The following ARHGAP29 variants were observed in gnomAD, a reference collection of about 807,000 sequenced individuals.
ARHGAP29 encodes rho GTPase-activating protein 29.
Under a neutral mutation model 122.6 loss-of-function variants are expected in ARHGAP29, and 43 were observed. The ratio of observed to expected loss-of-function variants is 0.35; its 90% CI spans 0.27 to 0.45. The LOEUF is 0.45. Ranked by LOEUF, ARHGAP29 falls within the 20% of genes least tolerant of loss-of-function variation. The pLI, the probability that ARHGAP29 is intolerant of heterozygous loss-of-function variation, is 1.00. For missense variants in ARHGAP29, 1,303 were observed against 1,477.2 expected, an observed-to-expected ratio of 0.88 and a Z score of 1.93; for synonymous variants, 506 against 497.1, an observed-to-expected ratio of 1.02 and a Z score of -0.24.
At chr1:94,261,204 G>A (rs1020597455) in intron 1 of ARHGAP29, among the ~76,000 whole-genome samples, 2 of 152,084 alleles carry the variant, frequency 1.3e-5, no homozygotes, top group Admixed American at 6.5e-5. Context: ...TCTTACCTCA[G>A]CTCTGTAGCT....
Position 94,171,231 on chromosome 1 carries a change from T to C in ARHGAP29, c.*2638A>G, listed in dbSNP as rs192070151. Among the ~76,000 whole-genome samples, 47 of 152,290 alleles carry C rather than the reference T, an allele frequency of 3.1e-4. No individual in the cohort carries two copies. The East Asian group carries it at 7.5e-3, about 24-fold the overall frequency. On this transcript the variant is annotated 3_prime_UTR_variant, in exon 23 of 23. Transcript: ENST00000260526. ...GGTACAATTCTATCTGCTTGTGAGT[T>C]CACTAGGCAACAAGTCTCAGGGATC... is the stretch of plus-strand genomic sequence containing the variant.
intron 1 of ARHGAP29, among the ~76,000 whole-genome samples, chr1:94,271,942 T>G (rs888478715): frequency 1.3e-5 from 2 of 152,200 alleles, no homozygotes; most frequent in African/African-American, 4.8e-5. Context: ...TGCCCCCATC[T>G]TGGCAGGAGT....
chr1:94,201,417 C>T (rs1231170277), intron 12 of ARHGAP29, among the ~76,000 whole-genome samples: 1 of 152,184 alleles, frequency 6.6e-6, no homozygotes, highest in Non-Finnish European at 1.5e-5. Flanking sequence ...ATACCTTCCC[C>T]TTCTGCAGAT....
chr1:94,312,105 T>C, the ARHGAP29 span, among the ~76,000 whole-genome samples: 37 of 152,204 alleles, frequency 2.4e-4, no homozygotes, highest in African/African-American at 8.2e-4. Flanking sequence ...CTGATTCTCA[T>C]TGTGGCAAAA....
chr1:94,309,416 A>C, the ARHGAP29 span, among the ~76,000 whole-genome samples: 1 of 152,350 alleles, frequency 6.6e-6, no homozygotes, highest in Non-Finnish European at 1.5e-5. Context: ...CTTTGATGTC[A>C]GTGCCTTGCA....
At chr1:94,266,830 A>G (rs542614852) in intron 1 of ARHGAP29, among the ~76,000 whole-genome samples, 1 of 152,254 alleles carries the variant, frequency 6.6e-6, no homozygotes, top group South Asian at 2.1e-4. Context: ...CAAATCAACT[A>G]TTTGCGAAAA....
At chr1:94,273,755 CT>C (rs991340643) in intron 1 of ARHGAP29, among the ~76,000 whole-genome samples, 2 of 151,532 alleles carry the variant, frequency 1.3e-5, no homozygotes, top group Non-Finnish European at 2.9e-5. Flanking sequence ...AGTTTTTAGT[CT>C]TTTTTTTCTA....
chr1:94,237,722 T>G, upstream of ARHGAP29: 1 of 985,136 alleles, frequency 1.0e-6, no homozygotes, highest in Non-Finnish European at 1.2e-6. Context: ...GGCAACTAGC[T>G]CGCGCGCAGA....
chr1:94,281,195 C>G, the ARHGAP29 span, among the ~76,000 whole-genome samples: 1 of 152,184 alleles, frequency 6.6e-6, no homozygotes, highest in African/African-American at 2.4e-5. Context: ...GTATCACACA[C>G]TCCTATAGAC....
the ARHGAP29 span, among the ~76,000 whole-genome samples, chr1:94,285,001 T>C: frequency 6.6e-6 from 1 of 152,336 alleles, no homozygotes; most frequent in African/African-American, 2.4e-5. Context: ...TAATGAAGGC[T>C]TAGAGTGCAT....
In ARHGAP29 at chr1:94,172,633, T is replaced by TATATATA. The variant is rs1557832597; in HGVS notation, c.*1235_*1236insTATATAT. On this transcript the variant is annotated 3_prime_UTR_variant, in exon 23 of 23. Transcript: ENST00000260526. ...AGTTGATATATATATATATATATAT[T>TATATATA]ATCAAGTATAACACAGTCATACAAA... 7.4e-5 allele frequency: 8 copies of TATATATA among 107,874 alleles called. No homozygotes were observed. Among genetic ancestry groups the TATATATA allele is most frequent in the East Asian group, 6.1e-4 (2 of 3,294 alleles). 6.7% of individuals were successfully genotyped at this position (107,874 alleles called of 1,614,324 possible).
chr1:94,305,317 G>T, the ARHGAP29 span, among the ~76,000 whole-genome samples: 2 of 152,126 alleles, frequency 1.3e-5, no homozygotes, highest in African/African-American at 4.8e-5. Context: ...GTGGTCATGG[G>T]GTTTGTTCTG....
chr1:94,188,056 G>A (rs969132953), intron 15 of ARHGAP29, among the ~76,000 whole-genome samples: 5 of 152,098 alleles, frequency 3.3e-5, no homozygotes, highest in Non-Finnish European at 7.4e-5. Flanking sequence ...AGAAAGAAAC[G>A]TTGCCAGAAA....
chr1:94,259,905 C>T (rs1654493271), intron 1 of ARHGAP29, among the ~76,000 whole-genome samples: 1 of 152,194 alleles, frequency 6.6e-6, no homozygotes, highest in Non-Finnish European at 1.5e-5. Context: ...GTCAAAAGTT[C>T]AGAGAGCATT....
At position 94,201,784 on chromosome 1, in the gene ARHGAP29, G is replaced by A. The variant is rs146791639; in HGVS notation, c.1217C>T (p.Thr406Ile). ...GAGTTGTGCTAAAATTTCTCTTTTG[G>A]TATTTTCTAGATCATTTCTTCTTTC... ...VEERRNDLENTKREILAQLRT... is the reference protein window; with the variant it reads ...VEERRNDLENIKREILAQLRT... The change falls in exon 12 of 23, where the codon ACC (threonine) becomes ATC (isoleucine). Residue 406 changes from threonine to isoleucine, a missense_variant. Around this residue, in one of 3 missense-constraint regions of ARHGAP29, gnomAD observed 592 missense variants for 648.2 expected, o/e 0.91. Transcript: ENST00000260526. 6 of 1,613,244 alleles carry A rather than the reference G, an allele frequency of 3.7e-6. No individual in the cohort carries two copies. The highest frequency in any genetic ancestry group is 1.3e-5 in the African/African-American group (1 of 74,744).
chr1:94,192,895 T>A (rs776804747), intron 12 of ARHGAP29: 12 of 151,902 alleles, frequency 7.9e-5, no homozygotes, highest in Admixed American at 2.0e-4. Context: ...ATCTAGGATA[T>A]CATTCAAAAT....
At chr1:94,180,324 A>G (rs757940643) in intron 19 of ARHGAP29, among the ~76,000 whole-genome samples, 24 of 152,358 alleles carry the variant, frequency 1.6e-4, no homozygotes, top group Non-Finnish European at 2.8e-4. Flanking sequence ...AATGCACAAA[A>G]TAAGTCAAAT....
intron 3 of ARHGAP29, among the ~76,000 whole-genome samples, chr1:94,219,114 C>T (rs1440284744): frequency 6.6e-6 from 1 of 152,140 alleles, no homozygotes; most frequent in Admixed American, 6.5e-5. Flanking sequence ...GTACTTCTAT[C>T]ACAGAATTGA....
upstream of ARHGAP29, chr1:94,275,112 G>A (rs377685975): frequency 6.6e-6 from 1 of 152,154 alleles, no homozygotes; most frequent in East Asian, 1.9e-4. Context: ...TAGCATTCTA[G>A]AACTCTGAGC....
Sources: gnomAD v4.1 joint callset for allele counts (sites outside exome capture counted in the v4.1 genomes callset) on GRCh38, gnomAD v4.1.1 for gene constraint, gnomAD v4.1.1 regional missense constraint, MANE v1.5 for transcripts, NCBI Gene and HGNC (gene_info 2026-07-23, HGNC 2026-07-21) for gene names.